Variants in SLC8A1 observed in about 807,000 individuals in gnomAD.
The protein encoded by SLC8A1 is solute carrier family 8 member A1.
In SLC8A1, 18 loss-of-function variants were observed where a neutral mutation model predicts 68.3. The ratio of observed to expected loss-of-function variants is 0.26; its 90% CI spans 0.18 to 0.39. The LOEUF (loss-of-function observed/expected upper bound fraction) is 0.39, where lower values mean the gene tolerates loss of function less well. SLC8A1 is among the 10% of genes least tolerant of loss of function. The pLI is 1.00. For synonymous variants in SLC8A1, 475 were observed against 415.5 expected, an observed-to-expected ratio of 1.14 and a Z score of -1.74; for missense variants, 985 against 1,156.7, an observed-to-expected ratio of 0.85 and a Z score of 2.15.
At chr2:40,239,157 AAC>A (rs1181696257) in intron 2 of SLC8A1, among the ~76,000 whole-genome samples, 4 of 152,220 alleles carry the variant, frequency 2.6e-5, no homozygotes, top group Admixed American at 2.0e-4. Flanking sequence ...AAAAGGAAAC[AAC>A]AGTCAGCAAA....
chr2:40,147,985 A>G (rs2042758673), intron 6 of SLC8A1, among the ~76,000 whole-genome samples: 1 of 152,190 alleles, frequency 6.6e-6, no homozygotes, highest in African/African-American at 2.4e-5. Context: ...CTTGCTTATG[A>G]GATCTAAAAC....
chr2:40,278,467 CAAACAAAACAAAACAAAACA>C lies in SLC8A1; in HGVS notation c.1809-100632_1809-100613del, dbSNP rs149146644. Among the ~76,000 whole-genome samples, 123 of 150,760 alleles carry C rather than the reference CAAACAAAACAAAACAAAACA, an allele frequency of 8.2e-4. 1 individual carries two copies. The highest frequency in any genetic ancestry group is 1.5e-3 in the Non-Finnish European group (102 of 67,848). On this transcript the variant is annotated intron_variant, in intron 2 of 7. Transcript: ENST00000406785. ...CTGGCGACAGAGCGAGACTCTGTCTCAAACAAAACAAAACAAAACAAAACAAAACAAAACAAAAAGAAAGA... is the reference window on the plus strand; with the variant it reads ...CTGGCGACAGAGCGAGACTCTGTCTCAAACAAAACAAAACAAAAAGAAAGA...
chr2:40,215,573 C>T (rs1309361950), intron 2 of SLC8A1, among the ~76,000 whole-genome samples: 2 of 139,132 alleles, frequency 1.4e-5, no homozygotes, highest in Non-Finnish European at 3.0e-5. Context: ...GGAAGCGGAG[C>T]TTGCAGTGAG....
intron 6 of SLC8A1, among the ~76,000 whole-genome samples, chr2:40,148,104 T>A (rs2042784901): frequency 6.6e-6 from 1 of 152,230 alleles, no homozygotes; most frequent in Non-Finnish European, 1.5e-5. Context: ...CTTAGCATTG[T>A]TTTATGAAAA....
intron 2 of SLC8A1, among the ~76,000 whole-genome samples, chr2:40,327,481 C>T (rs908729211): frequency 2.0e-5 from 3 of 152,128 alleles, no homozygotes; most frequent in Non-Finnish European, 4.4e-5. Context: ...TTTTAAAAAA[C>T]GTTGTGAGCA....
At chr2:40,388,380 G>A (rs6742210) in intron 2 of SLC8A1, among the ~76,000 whole-genome samples, 56,094 of 151,982 alleles carry the variant, frequency 0.37, 11,455 homozygotes, top group Non-Finnish European at 0.45. Context: ...ACGTTCATCT[G>A]AGCAGTATCT....
rs558363626 is a variant in SLC8A1 at position 40,266,648 on chromosome 2, G to A, written c.1809-88793C>T. On this transcript the variant is annotated intron_variant, in intron 2 of 7. Coordinates refer to ENST00000406785, the Ensembl canonical transcript of SLC8A1. ...TAAGAGAGCCAGACTAGTCAGTTAC[G>A]CACTCCATACTGGAGACCACTCATA... is the stretch of plus-strand genomic sequence containing the variant. Among the ~76,000 whole-genome samples, 12 of 152,202 alleles carry A rather than the reference G, an allele frequency of 7.9e-5. No individual in the cohort carries two copies. In the South Asian group the frequency reaches 1.2e-3, roughly 16 times the overall value.
At chr2:40,359,209 CTG>C (rs929393865) in intron 2 of SLC8A1, among the ~76,000 whole-genome samples, 10 of 152,054 alleles carry the variant, frequency 6.6e-5, no homozygotes, top group South Asian at 2.1e-4. Context: ...ATTTTGAAGA[CTG>C]TGAAAAAATG....
intron 1 of SLC8A1, among the ~76,000 whole-genome samples, chr2:40,450,688 G>A (rs1318343883): frequency 6.6e-6 from 1 of 152,070 alleles, no homozygotes; most frequent in African/African-American, 2.4e-5. Context: ...CCTCCAGCAG[G>A]ACAAAGTTTG....
chr2:40,422,201 C>A (rs1312157845), intron 2 of SLC8A1, among the ~76,000 whole-genome samples: 3 of 152,156 alleles, frequency 2.0e-5, no homozygotes, highest in Non-Finnish European at 4.4e-5. Context: ...TCTACTGTTG[C>A]AAGGCTAAAC....
intron 2 of SLC8A1, among the ~76,000 whole-genome samples, chr2:40,206,121 C>G (rs2055393390): frequency 6.6e-6 from 1 of 152,004 alleles, no homozygotes; most frequent in African/African-American, 2.4e-5. Flanking sequence ...TTCTACTTCA[C>G]AATTATAATT....
At chr2:40,125,941 C>T (rs918480921) in intron 7 of SLC8A1, among the ~76,000 whole-genome samples, 4 of 152,090 alleles carry the variant, frequency 2.6e-5, no homozygotes, top group African/African-American at 7.2e-5. Flanking sequence ...TTTCAGAGCA[C>T]GTCCATGAAT....
intron 1 of SLC8A1, among the ~76,000 whole-genome samples, chr2:40,431,393 A>G (rs1204230728): frequency 6.6e-6 from 1 of 152,108 alleles, no homozygotes; most frequent in African/African-American, 2.4e-5. Flanking sequence ...AAATATACAC[A>G]TGATGAAGGA....
exon 8 of SLC8A1, chr2:40,101,120 A>T (rs1357466886): frequency 3.3e-5 from 5 of 152,086 alleles, no homozygotes; most frequent in Non-Finnish European, 1.5e-5. Context: ...TTCCTAAGCC[A>T]TTTTTACAAG....
chr2:40,277,794 G>GTATGTATATA (rs1553469305), intron 2 of SLC8A1, among the ~76,000 whole-genome samples: 1 of 108,008 alleles, frequency 9.3e-6, no homozygotes, highest in Admixed American at 1.1e-4. Context: ...ATATATGTGT[G>GTATGTATATA]TATATATATA....
At chr2:40,144,526 C>T (rs1409771592) in intron 6 of SLC8A1, among the ~76,000 whole-genome samples, 5 of 150,426 alleles carry the variant, frequency 3.3e-5, no homozygotes, top group Non-Finnish European at 7.4e-5. Flanking sequence ...AAGTTTGAGT[C>T]GGAATTTTTT....
intron 6 of SLC8A1, among the ~76,000 whole-genome samples, chr2:40,159,742 A>G (rs1318940687): frequency 6.6e-6 from 1 of 152,178 alleles, no homozygotes; most frequent in Non-Finnish European, 1.5e-5. Context: ...CCCACTATAT[A>G]TTCAATTGCA....
intron 6 of SLC8A1, among the ~76,000 whole-genome samples, chr2:40,146,591 G>A (rs1332507758): frequency 6.6e-6 from 1 of 151,718 alleles, no homozygotes; most frequent in Non-Finnish European, 1.5e-5. Context: ...TGGGAACCCT[G>A]AGCTTATTTT....
chr2:40,258,551 CT>C (rs11351332), intron 2 of SLC8A1, among the ~76,000 whole-genome samples: 136,074 of 152,052 alleles, frequency 0.89, 61,042 homozygotes, highest in East Asian at 0.99. Context: ...TAAACTCAGT[CT>C]TTACTGGCCG....
Sources: allele counts gnomAD v4.1 joint callset (sites outside exome capture counted in the v4.1 genomes callset), GRCh38; gene constraint gnomAD v4.1.1; transcripts MANE v1.5; gene names NCBI Gene and HGNC (gene_info 2026-07-23, HGNC 2026-07-21).